The following OXR1 variants were observed in gnomAD, a reference collection of about 807,000 sequenced individuals.
OXR1 encodes the protein oxidation resistance 1, also known as oxidation resistance protein 1.
Under a neutral mutation model 104.6 loss-of-function variants are expected in OXR1, and 41 were observed. The ratio of observed to expected loss-of-function variants is 0.39; its 90% CI spans 0.31 to 0.51. OXR1 has a LOEUF of 0.51. OXR1 is among the 20% of genes least tolerant of loss of function. The pLI is 0.77. For synonymous variants in OXR1, 348 were observed against 348.4 expected, an observed-to-expected ratio of 1.00 and a Z score of 0.01; for missense variants, 955 against 1,031.9, an observed-to-expected ratio of 0.93 and a Z score of 1.02.
chr8:106,484,675 C>T (rs548580644), intron 2 of OXR1, among the ~76,000 whole-genome samples: 1 of 152,074 alleles, frequency 6.6e-6, no homozygotes, highest in African/African-American at 2.4e-5. Context: ...CTACCAAATG[C>T]TGACAAGGAT....
intron 2 of OXR1, among the ~76,000 whole-genome samples, chr8:106,508,350 A>T (rs1181054923): frequency 6.6e-6 from 1 of 152,226 alleles, no homozygotes; most frequent in Admixed American, 6.5e-5. Flanking sequence ...TTAACATTTT[A>T]TAATTTTTTT....
chr8:106,694,610 GTTTATATATATTTGATA>G (rs1829688815), intron 7 of OXR1, among the ~76,000 whole-genome samples: 1 of 106,768 alleles, frequency 9.4e-6, no homozygotes, highest in African/African-American at 3.9e-5. Context: ...ATAAATATAT[GTTTATATATATTTGATA>G]TATAAATATA....
intron 3 of OXR1, among the ~76,000 whole-genome samples, chr8:106,654,999 C>G (rs1824927174): frequency 6.6e-6 from 1 of 152,042 alleles, no homozygotes; most frequent in Non-Finnish European, 1.5e-5. Flanking sequence ...AGTACCAATA[C>G]ATGTTACAAC....
intron 1 of OXR1, among the ~76,000 whole-genome samples, chr8:106,298,140 G>C (rs554425375): frequency 6.6e-6 from 1 of 152,156 alleles, no homozygotes; most frequent in Non-Finnish European, 1.5e-5. Context: ...AACAAGTAGG[G>C]ATGGGGGAAA....
At chr8:106,666,115 A>T (rs1587006937) in intron 3 of OXR1, among the ~76,000 whole-genome samples, 1 of 152,224 alleles carries the variant, frequency 6.6e-6, no homozygotes. Context: ...GCAAGTTAGT[A>T]AAAGCACTTC....
chr8:106,590,239 C>T (rs935282156), intron 3 of OXR1, among the ~76,000 whole-genome samples: 1 of 152,196 alleles, frequency 6.6e-6, no homozygotes, highest in African/African-American at 2.4e-5. Flanking sequence ...TTCCCCATTT[C>T]CATCTAAATG....
intron 12 of OXR1, among the ~76,000 whole-genome samples, chr8:106,739,170 G>T (rs1279328389): frequency 6.6e-6 from 1 of 150,938 alleles, no homozygotes; most frequent in Non-Finnish European, 1.5e-5. Flanking sequence ...AATTAAAGAT[G>T]CATGCAACTA....
chr8:106,740,505 A>G lies in OXR1; in HGVS notation c.2316+10A>G, dbSNP rs1332817127. 2 of 1,603,856 alleles carry G rather than the reference A, an allele frequency of 1.2e-6. No homozygotes were observed. The highest frequency in any genetic ancestry group is 1.3e-5 in the African/African-American group (1 of 74,402). On this transcript the variant is annotated intron_variant, in intron 14 of 16. Coordinates refer to ENST00000517566, the MANE Select transcript of OXR1 (RefSeq NM_001198533.2). ...AGACAGTGATGGACAGGTATGAAAC[A>G]CCAACTGCATAGATTGCTTATCCTT...
intron 2 of OXR1, among the ~76,000 whole-genome samples, chr8:106,410,050 C>A (rs1818401947): frequency 6.6e-6 from 1 of 151,906 alleles, no homozygotes; most frequent in South Asian, 2.1e-4. Flanking sequence ...CCAACAAAAT[C>A]TCAATCTGAA....
chr8:106,697,570 G>C, intron 7 of OXR1: 1 of 1,611,320 alleles, frequency 6.2e-7, no homozygotes, highest in South Asian at 1.1e-5. Flanking sequence ...GAACCAGTTG[G>C]GATCCCCAGA....
At chr8:106,612,321 C>T (rs1281689077) in intron 3 of OXR1, among the ~76,000 whole-genome samples, 1 of 152,114 alleles carries the variant, frequency 6.6e-6, no homozygotes, top group African/African-American at 2.4e-5. Context: ...TCCAGTGAAA[C>T]TGTATAAGGT....
intron 2 of OXR1, among the ~76,000 whole-genome samples, chr8:106,484,400 A>G (rs962041386): frequency 6.6e-6 from 1 of 152,088 alleles, no homozygotes; most frequent in Non-Finnish European, 1.5e-5. Context: ...CCAAAATATC[A>G]CATGCGCTCC....
At chr8:106,324,693 C>A (rs1346636182) in intron 1 of OXR1, among the ~76,000 whole-genome samples, 1 of 152,072 alleles carries the variant, frequency 6.6e-6, no homozygotes, top group East Asian at 1.9e-4. Context: ...GGATGCTGAG[C>A]CCCCATCTGT....
chr8:106,329,492 C>T (rs1400191399), intron 1 of OXR1, among the ~76,000 whole-genome samples: 2 of 151,524 alleles, frequency 1.3e-5, no homozygotes, highest in East Asian at 2.0e-4. Flanking sequence ...GGACTACAGA[C>T]GCCCTCCACC....
chr8:106,452,554 A>G (rs1453183468), intron 2 of OXR1, among the ~76,000 whole-genome samples: 1 of 152,174 alleles, frequency 6.6e-6, no homozygotes, highest in African/African-American at 2.4e-5. Flanking sequence ...CTGTTACGTC[A>G]AAGTGCATCA....
intron 3 of OXR1, among the ~76,000 whole-genome samples, chr8:106,635,691 G>T (rs1184381149): frequency 6.6e-6 from 1 of 152,080 alleles, no homozygotes; most frequent in African/African-American, 2.4e-5. Context: ...GCAATCTGCT[G>T]CCTGCCTCAG....
Position 106,751,464 on chromosome 8 carries a change from T to C in OXR1, c.*523T>C, listed in dbSNP as rs1338497703. ...AATACATACTTCATAGACCACTGAG[T>C]TCTAGTTTTTATTCACACTACAACA... On this transcript the variant is annotated 3_prime_UTR_variant, in exon 17 of 17. Transcript: ENST00000517566. 2 of 152,512 alleles carry C rather than the reference T, an allele frequency of 1.3e-5. No individual in the cohort carries two copies. The highest frequency in any genetic ancestry group is 4.8e-5 in the African/African-American group (2 of 41,406). The allele number at this position is 152,512 out of a possible 1,614,324, so 9.4% of individuals were successfully genotyped here. A position where few individuals can be genotyped will look rare whatever the true frequency, so the allele number is the denominator to read the frequency against.
At chr8:106,475,869 A>G (rs993846734) in intron 2 of OXR1, among the ~76,000 whole-genome samples, 18 of 152,076 alleles carry the variant, frequency 1.2e-4, no homozygotes, top group Admixed American at 7.2e-4. Context: ...TCATCCCATG[A>G]AACCCTTTAT....
intron 11 of OXR1, among the ~76,000 whole-genome samples, chr8:106,729,044 A>T (rs530653800): frequency 1.3e-5 from 2 of 152,324 alleles, no homozygotes; most frequent in African/African-American, 4.8e-5. Flanking sequence ...AAATGTAAAA[A>T]TCTTTCCAGT....
Sources: allele counts gnomAD v4.1 joint callset (sites outside exome capture counted in the v4.1 genomes callset), GRCh38; gene constraint gnomAD v4.1.1; transcripts MANE v1.5; gene names NCBI Gene and HGNC (gene_info 2026-07-23, HGNC 2026-07-21).